The following SETD1A variants were observed in gnomAD, a reference collection of about 807,000 sequenced individuals.
SETD1A encodes SET domain containing 1A, histone lysine methyltransferase, also known as histone-lysine N-methyltransferase SETD1A.
In SETD1A, 29 loss-of-function variants were observed where a neutral mutation model predicts 149.9. That is an observed-to-expected ratio of 0.19 (90% confidence interval 0.14 to 0.26). The LOEUF (loss-of-function observed/expected upper bound fraction) is 0.26. Ranked by LOEUF, SETD1A falls within the 10% of genes least tolerant of loss-of-function variation. SETD1A has a pLI of 1.00. For missense variants in SETD1A, 2,109 were observed against 2,353.1 expected (o/e 0.90, Z 2.15); for synonymous variants, 1,141 against 968.5 (o/e 1.18, Z -3.31).
At chr16:30,971,250 C>T in intron 12 of SETD1A, 128 bp from the exon 13 acceptor site, 2 of 948,812 alleles carry the variant, frequency 2.1e-6, no homozygotes, top group Non-Finnish European at 3.2e-6. Flanking sequence ...TATGCAGCTC[C>T]TTGGTCTGTT....
In SETD1A at chr16:30,966,023, C is replaced by T. The variant is rs1461454582; in HGVS notation, c.2142C>T (p.Ala714=). 4 of 1,566,558 alleles carry T rather than the reference C, an allele frequency of 2.6e-6. No individual in the cohort carries two copies. The African/African-American group carries it at 4.1e-5, about 16-fold the overall frequency. Residue 714 remains alanine (A), a synonymous_variant, in exon 8 of 19, where the codon GCC becomes GCT. Coordinates refer to ENST00000262519, the MANE Select transcript of SETD1A (RefSeq NM_014712.3). The stretch of plus-strand genomic sequence containing the variant: ...CCCCCGGTGGGGCCTTTGGGGAGGC[C>T]TTCCTCCCGTTTCCACCCCCGCAGG... ...AGPPGGAFGE[A]FLPFPPPQEA... is the part of the protein sequence containing the mutation.
intron 12 of SETD1A, among the ~76,000 whole-genome samples, chr16:30,970,623 T>A (rs1456708913): frequency 6.6e-6 from 1 of 152,168 alleles, no homozygotes; most frequent in Non-Finnish European, 1.5e-5. Flanking sequence ...TCTCCCTCTG[T>A]TCCAGTCCAT....
At chr16:30,963,152 A>G (rs865802153) in intron 4 of SETD1A, among the ~76,000 whole-genome samples, 1 of 151,658 alleles carries the variant, frequency 6.6e-6, no homozygotes, top group African/African-American at 2.4e-5. Context: ...CCTCTAGAAC[A>G]GAGGTACTGA....
rs1693666258 is a variant in SETD1A at position 30,971,502 on chromosome 16, C to T, written c.3141C>T (p.Ser1047=). 6.2e-7 allele frequency: 1 copy of T among 1,613,334 alleles called. No homozygotes were observed. The highest frequency in any genetic ancestry group is 1.3e-5 in the African/African-American group (1 of 74,910). Residue 1047 remains serine (S), a synonymous_variant, in exon 13 of 19, where the codon TCC becomes TCT. Coordinates refer to ENST00000262519, the MANE Select transcript of SETD1A (RefSeq NM_014712.3). Reference sequence around the variant, plus strand: ...CCAGCTCCTCATCCTCCTCCTCCTCCTCGTCCTCATCCTCCTCGTCCTCTT... The same window carrying T: ...CCAGCTCCTCATCCTCCTCCTCCTCTTCGTCCTCATCCTCCTCGTCCTCTT... The part of the protein sequence containing the change: ...SSSSSSSSSS[S]SSSSSSSSSS...
chr16:30,967,012 C>A lies in SETD1A; in HGVS notation c.2634C>A (p.Phe878Leu). 6.3e-7 allele frequency: 1 copy of A among 1,599,800 alleles called. No individual in the cohort carries two copies. Among genetic ancestry groups the A allele is most frequent in the Non-Finnish European group, 8.5e-7 (1 of 1,173,922 alleles). Residue 878 changes from phenylalanine to leucine, a missense_variant, in exon 9 of 19, where the codon TTC becomes TTA. By Grantham distance (22) the Phe-to-Leu change is conservative. Coordinates refer to ENST00000262519, the MANE Select transcript of SETD1A (RefSeq NM_014712.3). The stretch of plus-strand genomic sequence containing the variant: ...GGGGCACTACGGGCATCGAGGCTTT[C>A]GCCTTTGGGTCAGGGCTGAGAGGGG... ...KSGGTTGIEA[F>L]AFGSGLRGAL...
rs368816963 is a variant in SETD1A at position 30,983,809 on chromosome 16, C to T, written c.4950+37C>T. On this transcript the variant is annotated intron_variant, in intron 18 of 18. Coordinates refer to ENST00000262519, the MANE Select transcript of SETD1A (RefSeq NM_014712.3). The surrounding 1 kb of genome is among the most constrained non-coding windows in gnomAD (Gnocchi z 6.8). ...GCCAGCCGGGGCAGGAGTTGGGGGTCGGTGGGGGTGGCCACGGCTCACACG... is the reference window on the plus strand; with the variant it reads ...GCCAGCCGGGGCAGGAGTTGGGGGTTGGTGGGGGTGGCCACGGCTCACACG... 1.8e-5 allele frequency: 29 copies of T among 1,611,494 alleles called. No homozygotes were observed. Among genetic ancestry groups the T allele is most frequent in the South Asian group, 8.8e-5 (8 of 90,900 alleles).
chr16:30,965,696 G>A lies in SETD1A; in HGVS notation c.1815G>A (p.Pro605=), dbSNP rs377249428. 11 of 929,472 alleles carry A rather than the reference G, an allele frequency of 1.2e-5. No homozygotes were observed. Among genetic ancestry groups the A allele is most frequent in the African/African-American group, 5.6e-5 (2 of 35,566 alleles). The allele number at this position is 929,472 out of a possible 1,614,324, so 57.6% of individuals were successfully genotyped here. The change falls in exon 8 of 19, where the codon CCG becomes CCA. Residue 605 remains proline, a synonymous_variant. Coordinates refer to ENST00000262519, the MANE Select transcript of SETD1A (RefSeq NM_014712.3). ...PPAPTPPQQP[P]PPPPPPPPPP... ...CCCCGACGCCCCCTCAGCAGCCTCC[G>A]CCACCTCCCCCTCCCCCGCCGCCTC...
At chr16:30,982,676 TCCTTCC>T (rs1217377950) in intron 17 of SETD1A, among the ~76,000 whole-genome samples, 3 of 94,720 alleles carry the variant, frequency 3.2e-5, no homozygotes, top group South Asian at 2.7e-4. Context: ...CAGGAGAGGG[TCCTTCC>T]GCAGGAGAGG....
chr16:30,966,382 C>A lies in SETD1A; in HGVS notation c.2501C>A (p.Ala834Asp). 1.2e-6 allele frequency: 2 copies of A among 1,605,126 alleles called. No individual in the cohort carries two copies. The highest frequency in any genetic ancestry group is 1.7e-6 in the Non-Finnish European group (2 of 1,174,714). The change falls in exon 8 of 19, where the codon GCC becomes GAC. Residue 834 changes from alanine to aspartate, a missense_variant. Transcript: ENST00000262519. ...TGGTGGGAGAGCAAGGAGGAGAAGGCCAAGGTGAGGCCAGCGCCTGGGACC... is the reference window on the plus strand; with the variant it reads ...TGGTGGGAGAGCAAGGAGGAGAAGGACAAGGTGAGGCCAGCGCCTGGGACC... Reference protein sequence around the residue: ...DQWWESKEEKAKPFQNAAKQQ... With the variant: ...DQWWESKEEKDKPFQNAAKQQ...
Position 30,965,272 on chromosome 16 carries a change from A to G in SETD1A, c.1530A>G (p.Thr510=), listed in dbSNP as rs1211017723. 2.5e-6 allele frequency: 4 copies of G among 1,614,250 alleles called. No homozygotes were observed. Among genetic ancestry groups the G allele is most frequent in the East Asian group, 2.2e-5 (1 of 44,890 alleles). ...AGTTTTCCTTCTTGGCCTCTGACAC[A>G]GAGGAGGAGGAAGAGAACAGCAGCA... The part of the protein sequence containing the change: ...RSKFSFLASD[T]EEEEENSSMV... The change falls in exon 7 of 19, where the codon ACA becomes ACG. Residue 510 remains threonine (T), a synonymous_variant. Transcript: ENST00000262519.
rs548828626 is a variant in SETD1A, at chr16:30,961,031, C to T, written c.247-236C>T. On this transcript the variant is annotated intron_variant, in intron 3 of 18. Coordinates refer to ENST00000262519, the MANE Select transcript of SETD1A (RefSeq NM_014712.3). The surrounding 1 kb of genome is among the most constrained non-coding windows in gnomAD (Gnocchi z 4.0). ...GTGTTGGGATTATAAGTGTGAGCTGCCACACCCGGCCTAGTTTGCACATTT... is the reference window on the plus strand; with the variant it reads ...GTGTTGGGATTATAAGTGTGAGCTGTCACACCCGGCCTAGTTTGCACATTT... Among the ~76,000 whole-genome samples, 3 of 152,180 alleles carry T rather than the reference C, an allele frequency of 2.0e-5. No homozygotes were observed. Among genetic ancestry groups the T allele is most frequent in the African/African-American group, 7.2e-5 (3 of 41,532 alleles).
intron 3 of SETD1A, among the ~76,000 whole-genome samples, chr16:30,959,496 G>T (rs2056017542): frequency 6.6e-6 from 1 of 152,106 alleles, no homozygotes; most frequent in South Asian, 2.1e-4. Context: ...CACAAGAGTG[G>T]GATCTCCCAG....
At chr16:30,973,681 G>A (rs1403776704) in intron 13 of SETD1A, among the ~76,000 whole-genome samples, 1 of 152,138 alleles carries the variant, frequency 6.6e-6, no homozygotes, top group African/African-American at 2.4e-5. Flanking sequence ...GTGAAGATGT[G>A]CATGGCCTCC....
intron 13 of SETD1A, among the ~76,000 whole-genome samples, chr16:30,976,530 G>A (rs1347185394): frequency 6.6e-6 from 1 of 152,116 alleles, no homozygotes; most frequent in African/African-American, 2.4e-5. Context: ...GGCAAAGTAC[G>A]GGCCCTGGGG....
chr16:30,971,857 A>G (rs1055200090), intron 13 of SETD1A, 138 bp downstream of exon 13: 2 of 1,160,056 alleles, frequency 1.7e-6, no homozygotes, highest in Non-Finnish European at 2.3e-6. Context: ...ATCTCCTGTC[A>G]CTACCTTCTA....
In SETD1A at chr16:30,961,221, A is replaced by G; in HGVS notation, c.247-46A>G. The G allele has an allele frequency of 1.3e-6, 2 of 1,589,640 alleles. No individual in the cohort carries two copies. The highest frequency in any genetic ancestry group is 1.1e-5 in the South Asian group (1 of 89,236). Reference sequence around the variant, plus strand: ...AAAGTTTCCCGAAGGACAAAGGAACAGTGGTCAGTGTTGAGACCCCATACC... The same window carrying G: ...AAAGTTTCCCGAAGGACAAAGGAACGGTGGTCAGTGTTGAGACCCCATACC... On this transcript the variant is annotated intron_variant, in intron 3 of 18. Transcript: ENST00000262519. The surrounding 1 kb of genome is among the most constrained non-coding windows in gnomAD (Gnocchi z 4.0).
chr16:30,964,807 G>T lies in SETD1A; in HGVS notation c.1065G>T (p.Ser355=). The part of the protein sequence containing the change: ...SSSSSSSSSS[S]SSQFRSSDAN... Reference sequence around the variant, plus strand: ...CCTCCTCGTCATCCTCTTCCTCCTCGTCCTCTCAGTTTCGTAGTTCTGATG... The same window carrying T: ...CCTCCTCGTCATCCTCTTCCTCCTCTTCCTCTCAGTTTCGTAGTTCTGATG... Residue 355 remains serine, a synonymous_variant, in exon 7 of 19, where the codon TCG becomes TCT. Transcript: ENST00000262519. 2 of 1,613,960 alleles carry T rather than the reference G, an allele frequency of 1.2e-6. No homozygotes were observed. Among genetic ancestry groups the T allele is most frequent in the African/African-American group, 1.3e-5 (1 of 74,960 alleles).
chr16:30,965,129 G>A lies in SETD1A; in HGVS notation c.1387G>A (p.Ala463Thr), dbSNP rs775950534. Residue 463 changes from alanine (A) to threonine (T), a missense_variant, in exon 7 of 19, where the codon GCC becomes ACC. Ala to Thr is a moderately conservative substitution (Grantham distance 58). Coordinates refer to ENST00000262519, the MANE Select transcript of SETD1A (RefSeq NM_014712.3). The part of the protein sequence containing the change: ...REEVRTSPRP[A>T]SPARSGSPAP... ...AGAAGTTCGGACTTCCCCCCGCCCA[G>A]CCTCCCCTGCCCGCTCTGGCTCCCC... The A allele has an allele frequency of 1.2e-6, 2 of 1,612,350 alleles. No individual in the cohort carries two copies. The highest frequency in any genetic ancestry group is 1.1e-5 in the South Asian group (1 of 91,080).
chr16:30,963,516 A>G lies in SETD1A; in HGVS notation c.601A>G (p.Ser201Gly). The change falls in exon 5 of 19, where the codon AGT becomes GGT. Residue 201 changes from serine to glycine, a missense_variant. Coordinates refer to ENST00000262519, the MANE Select transcript of SETD1A (RefSeq NM_014712.3). The stretch of plus-strand genomic sequence containing the variant: ...TGTGCCCACTGGGGGCAAGGCCCTG[A>G]GTGAGAAGTTCCAAGGCTCGGGTGC... ...QTVPTGGKAL[S>G]EKFQGSGAAT... 6.2e-7 allele frequency: 1 copy of G among 1,613,558 alleles called. No individual in the cohort carries two copies. Among genetic ancestry groups the G allele is most frequent in the Non-Finnish European group, 8.5e-7 (1 of 1,179,686 alleles).
Sources: gnomAD v4.1 joint callset for allele counts (sites outside exome capture counted in the v4.1 genomes callset) on GRCh38, gnomAD v4.1.1 for gene constraint, Gnocchi (gnomAD v3.1) non-coding constraint, MANE v1.5 for transcripts, NCBI Gene and HGNC (gene_info 2026-07-23, HGNC 2026-07-21) for gene names.